Variants in PHF2 observed in about 807,000 individuals in gnomAD.
PHF2 encodes PHD finger protein 2.
PHF2 carries 27 observed loss-of-function variants against 120.5 expected under a neutral mutation model. The observed-to-expected ratio is 0.22, with a 90% confidence interval of 0.17 to 0.31. The LOEUF (loss-of-function observed/expected upper bound fraction) is 0.31. Among genes scored for constraint, PHF2 ranks in the 10% least tolerant of loss-of-function variants. The pLI, the probability that PHF2 is intolerant of heterozygous loss-of-function variation, is 1.00. For synonymous variants in PHF2, 568 were observed against 592.5 expected, an observed-to-expected ratio of 0.96 and a Z score of 0.60; for missense variants, 1,024 against 1,434.8, an observed-to-expected ratio of 0.71 and a Z score of 4.63.
intron 2 of PHF2, among the ~76,000 whole-genome samples, chr9:93,630,944 G>C (rs1354504882): frequency 6.6e-6 from 1 of 152,192 alleles, no homozygotes; most frequent in Non-Finnish European, 1.5e-5. Flanking sequence ...CTGAGCCCTG[G>C]ACAAGGTGGG....
intron 1 of PHF2, among the ~76,000 whole-genome samples, chr9:93,601,877 C>G (rs1392491380): frequency 6.6e-6 from 1 of 151,716 alleles, no homozygotes; most frequent in Admixed American, 6.6e-5. Context: ...TGGAAGGGAG[C>G]CCTGTGAGTG....
chr9:93,619,381 GGGCTGGCA>G (rs1825786798), intron 1 of PHF2, among the ~76,000 whole-genome samples: 3 of 152,222 alleles, frequency 2.0e-5, no homozygotes, highest in East Asian at 1.9e-4. Context: ...TCGGCGTCCT[GGGCTGGCA>G]TCCTGGGCTG....
At chr9:93,584,316 C>G (rs538924927) in intron 1 of PHF2, among the ~76,000 whole-genome samples, 37 of 152,280 alleles carry the variant, frequency 2.4e-4, no homozygotes, top group East Asian at 7.7e-4. Flanking sequence ...ATTGCCTGTA[C>G]AATCCAAGAT....
intron 1 of PHF2, among the ~76,000 whole-genome samples, chr9:93,621,218 C>G (rs555086868): frequency 4.6e-5 from 7 of 152,358 alleles, no homozygotes; most frequent in African/African-American, 7.2e-5. Flanking sequence ...GGTCACCCCC[C>G]ACAACCCTGG....
intron 1 of PHF2, among the ~76,000 whole-genome samples, chr9:93,585,683 C>T (rs1280171992): frequency 6.6e-6 from 1 of 152,254 alleles, no homozygotes; most frequent in Non-Finnish European, 1.5e-5. Context: ...CTGGGGCTGC[C>T]AGACTCAGGC....
intron 3 of PHF2, among the ~76,000 whole-genome samples, chr9:93,644,436 A>C (rs1826220254): frequency 6.6e-6 from 1 of 151,288 alleles, no homozygotes; most frequent in Non-Finnish European, 1.5e-5. Context: ...GCTGGTGTGC[A>C]AAGAATTCTG....
At chr9:93,619,886 G>C (rs1178825274) in intron 1 of PHF2, among the ~76,000 whole-genome samples, 1 of 152,122 alleles carries the variant, frequency 6.6e-6, no homozygotes, top group East Asian at 1.9e-4. Flanking sequence ...TTGTGCCCCT[G>C]GTGGCCTCTG....
Sources: allele counts gnomAD v4.1 joint callset (sites outside exome capture counted in the v4.1 genomes callset), GRCh38; gene constraint gnomAD v4.1.1; transcripts MANE v1.5; gene names NCBI Gene and HGNC (gene_info 2026-07-23, HGNC 2026-07-21).